Variants in NRG3 observed in about 807,000 individuals in gnomAD.
NRG3 encodes the protein neuregulin 3, also known as pro-neuregulin-3, membrane-bound isoform.
In NRG3, 31 loss-of-function variants were observed where a neutral mutation model predicts 66.9. The observed-to-expected ratio is 0.46, with a 90% CI of 0.35 to 0.63. The LOEUF is 0.63. Ranked by LOEUF, NRG3 falls within the 20% of genes least tolerant of loss-of-function variation. NRG3 has a pLI of 0.00. For synonymous variants in NRG3, 393 were observed against 359.4 expected, an observed-to-expected ratio of 1.09 and a Z score of -1.06; for missense variants, 910 against 878.9, an observed-to-expected ratio of 1.04 and a Z score of -0.45.
chr10:82,612,645 A>G (rs1189767142), intron 2 of NRG3, among the ~76,000 whole-genome samples: 1 of 152,090 alleles, frequency 6.6e-6, no homozygotes, highest in East Asian at 1.9e-4. Flanking sequence ...TCTTTTGAAA[A>G]TTATTTTACT....
intron 2 of NRG3, among the ~76,000 whole-genome samples, chr10:82,647,678 A>C (rs771185): frequency 0.85 from 127,099 of 148,996 alleles, 54,304 homozygotes; most frequent in Middle Eastern, 0.91. Context: ...TGTTTCCTGA[A>C]TTTTTAATGA....
chr10:82,391,984 G>A (rs1184410099), intron 2 of NRG3, among the ~76,000 whole-genome samples: 4 of 105,962 alleles, frequency 3.8e-5, no homozygotes, highest in African/African-American at 1.2e-4. Flanking sequence ...ATCCTCTTTC[G>A]AGCACATGCA....
intron 2 of NRG3, among the ~76,000 whole-genome samples, chr10:82,493,914 A>G (rs1843386830): frequency 6.6e-6 from 1 of 152,174 alleles, no homozygotes; most frequent in South Asian, 2.1e-4. Flanking sequence ...CAGCCCCATT[A>G]AAAAGTGGGC....
At chr10:81,970,339 A>T (rs17098824) in intron 1 of NRG3, among the ~76,000 whole-genome samples, 1,922 of 152,324 alleles carry the variant, frequency 0.013, 93 homozygotes, top group Admixed American at 0.086. Context: ...TCTAGATATA[A>T]TCAGTGTTAA....
intron 2 of NRG3, among the ~76,000 whole-genome samples, chr10:82,601,653 A>G (rs1163341198): frequency 1.3e-5 from 2 of 150,394 alleles, no homozygotes; most frequent in Admixed American, 6.6e-5. Context: ...TATTCATTTC[A>G]TCTTTGTCCT....
In NRG3 at chr10:82,043,410, C is replaced by T. The variant is rs957243422; in HGVS notation, c.823+167247C>T. 2.0e-5 allele frequency among the ~76,000 whole-genome samples: 3 copies of T among 151,994 alleles called. No homozygotes were observed. The East Asian group carries it at 5.8e-4, about 29-fold the overall frequency. On this transcript the variant is annotated intron_variant, in intron 1 of 8. Coordinates refer to ENST00000372141, the MANE Select transcript of NRG3 (RefSeq NM_001010848.4). The stretch of plus-strand genomic sequence containing the variant: ...AAGCTAAAATTATCTCTTTGCTTTG[C>T]TTGTTCTTGTGGTACTACTGTTTCA...
At chr10:82,296,004 A>G (rs908064692) in intron 1 of NRG3, among the ~76,000 whole-genome samples, 1 of 152,178 alleles carries the variant, frequency 6.6e-6, no homozygotes, top group East Asian at 1.9e-4. Flanking sequence ...GGTGCAGTCT[A>G]TGCATATAAT....
intron 2 of NRG3, among the ~76,000 whole-genome samples, chr10:82,456,481 A>G (rs2091272903): frequency 6.6e-6 from 1 of 152,158 alleles, no homozygotes; most frequent in African/African-American, 2.4e-5. Flanking sequence ...GTTAGAAAGT[A>G]AGACAAAAAC....
chr10:82,944,293 T>C (rs942838923), intron 4 of NRG3, among the ~76,000 whole-genome samples: 8 of 152,242 alleles, frequency 5.3e-5, no homozygotes, highest in Non-Finnish European at 1.0e-4. Flanking sequence ...TAATTCATTT[T>C]TGTGAGTGCA....
chr10:82,081,279 T>A (rs1236834677), intron 1 of NRG3, among the ~76,000 whole-genome samples: 5 of 152,142 alleles, frequency 3.3e-5, no homozygotes, highest in African/African-American at 1.2e-4. Context: ...ACACCCATGA[T>A]GGAATTATCT....
chr10:82,676,294 A>G (rs1255328446), intron 2 of NRG3, among the ~76,000 whole-genome samples: 2 of 152,190 alleles, frequency 1.3e-5, no homozygotes, highest in Non-Finnish European at 2.9e-5. Flanking sequence ...TGATTAAAAA[A>G]AAATTGAAAC....
chr10:82,628,653 C>T (rs1246906598), intron 2 of NRG3, among the ~76,000 whole-genome samples: 4 of 152,062 alleles, frequency 2.6e-5, no homozygotes, highest in Admixed American at 1.3e-4. Context: ...ACTCTTTCAA[C>T]AGCTTGTTGA....
chr10:82,757,814 C>G (rs2059139245), intron 3 of NRG3, among the ~76,000 whole-genome samples: 1 of 151,960 alleles, frequency 6.6e-6, no homozygotes, highest in South Asian at 2.1e-4. Context: ...TGCTCTCACT[C>G]TAATGGAATT....
chr10:81,896,247 G>A (rs1843515630), intron 1 of NRG3, among the ~76,000 whole-genome samples: 1 of 152,090 alleles, frequency 6.6e-6, no homozygotes, highest in Non-Finnish European at 1.5e-5. Flanking sequence ...GGGATGCTCA[G>A]TTTGAAACTG....
intron 3 of NRG3, among the ~76,000 whole-genome samples, chr10:82,819,473 C>G (rs2061853762): frequency 6.6e-6 from 1 of 152,180 alleles, no homozygotes; most frequent in African/African-American, 2.4e-5. Context: ...TGCAATTTCC[C>G]AGCAGTGTAA....
intron 1 of NRG3, among the ~76,000 whole-genome samples, chr10:82,025,909 T>G (rs1008208060): frequency 6.6e-6 from 1 of 152,060 alleles, no homozygotes; most frequent in African/African-American, 2.4e-5. Context: ...CTCTTTGCTC[T>G]GACTTCCAAT....
At chr10:82,920,770 A>G (rs1381222724) in intron 4 of NRG3, among the ~76,000 whole-genome samples, 1 of 152,180 alleles carries the variant, frequency 6.6e-6, no homozygotes, top group Non-Finnish European at 1.5e-5. Context: ...AGCCAACTGG[A>G]AGAGTTCCCA....
chr10:82,649,012 A>T (rs1207923267), intron 2 of NRG3, among the ~76,000 whole-genome samples: 1 of 152,176 alleles, frequency 6.6e-6, no homozygotes, highest in Admixed American at 6.5e-5. Flanking sequence ...CCCACAGCCA[A>T]TATCATACCG....
intron 2 of NRG3, among the ~76,000 whole-genome samples, chr10:82,401,131 A>G (rs1226028727): frequency 6.6e-6 from 1 of 152,150 alleles, no homozygotes; most frequent in African/African-American, 2.4e-5. Flanking sequence ...GTAATTCCAA[A>G]TGGATAAATG....
Sources: allele counts gnomAD v4.1 joint callset (sites outside exome capture counted in the v4.1 genomes callset), GRCh38; gene constraint gnomAD v4.1.1; transcripts MANE v1.5; gene names NCBI Gene and HGNC (gene_info 2026-07-23, HGNC 2026-07-21).